Variants in GALNT13 observed in about 807,000 individuals in gnomAD.
GALNT13 encodes polypeptide N-acetylgalactosaminyltransferase 13.
A neutral mutation model predicts 64.2 loss-of-function variants in GALNT13; 28 were observed. The ratio of observed to expected loss-of-function variants is 0.44; its 90% CI spans 0.32 to 0.60. The LOEUF (loss-of-function observed/expected upper bound fraction) is 0.60. Among genes scored for constraint, GALNT13 ranks in the 20% least tolerant of loss-of-function variants. GALNT13 has a pLI of 0.05. For missense variants in GALNT13, 577 were observed against 669.8 expected, an observed-to-expected ratio of 0.86 and a Z score of 1.53; for synonymous variants, 214 against 224.6, an observed-to-expected ratio of 0.95 and a Z score of 0.42.
chr2:154,306,934 C>T (rs967821104), intron 9 of GALNT13, among the ~76,000 whole-genome samples: 1 of 151,876 alleles, frequency 6.6e-6, no homozygotes, highest in African/African-American at 2.4e-5. Context: ...TTTGTTAGTC[C>T]TACAAAGGCA....
the GALNT13 span, among the ~76,000 whole-genome samples, chr2:153,414,288 T>C: frequency 6.6e-6 from 1 of 151,720 alleles, no homozygotes; most frequent in African/African-American, 2.4e-5. Flanking sequence ...GGCAGGAGAA[T>C]TGCTTGAAGC....
At chr2:154,061,020 G>A (rs1700151701) in intron 3 of GALNT13, among the ~76,000 whole-genome samples, 1 of 106,536 alleles carries the variant, frequency 9.4e-6, no homozygotes, top group Non-Finnish European at 2.0e-5. Flanking sequence ...ACCCCTAATT[G>A]TGCTAAGTAG....
chr2:153,576,143 C>G, the GALNT13 span, among the ~76,000 whole-genome samples: 1,283 of 151,168 alleles, frequency 8.5e-3, 16 homozygotes, highest in African/African-American at 0.03. Context: ...AAGATAATGC[C>G]CTCCCCACTC....
chr2:154,206,799 C>T (rs77080301), intron 4 of GALNT13, among the ~76,000 whole-genome samples: 1 of 131,964 alleles, frequency 7.6e-6, no homozygotes, highest in Admixed American at 7.5e-5. Flanking sequence ...ACAACAACAA[C>T]AAAAAAAAAA....
chr2:153,314,826 G>C, the GALNT13 span, among the ~76,000 whole-genome samples: 1 of 151,188 alleles, frequency 6.6e-6, no homozygotes, highest in African/African-American at 2.4e-5. Flanking sequence ...AAAAAATAAG[G>C]TCTTGTCAGT....
chr2:153,425,487 A>G, the GALNT13 span, among the ~76,000 whole-genome samples: 1 of 151,780 alleles, frequency 6.6e-6, no homozygotes, highest in African/African-American at 2.4e-5. Context: ...TTAGGAAGAA[A>G]TAAATTCAAT....
At chr2:153,421,366 T>C in the GALNT13 span, 7 of 225,266 alleles carry the variant, frequency 3.1e-5, no homozygotes, top group Non-Finnish European at 7.0e-5. Context: ...ACAGATGCCA[T>C]AGATGGCCTC....
intron 1 of GALNT13, among the ~76,000 whole-genome samples, chr2:153,885,801 T>G (rs902779834): frequency 1.3e-5 from 2 of 152,110 alleles, no homozygotes; most frequent in African/African-American, 4.8e-5. Context: ...TAACACTAAT[T>G]TTGTAGCTGA....
chr2:153,774,866 T>A, the GALNT13 span, among the ~76,000 whole-genome samples: 2 of 152,200 alleles, frequency 1.3e-5, no homozygotes, highest in Non-Finnish European at 2.9e-5. Flanking sequence ...GCTATCATTA[T>A]GCCACTGCGC....
At chr2:153,927,482 A>G (rs1257945178) in intron 2 of GALNT13, among the ~76,000 whole-genome samples, 3 of 151,924 alleles carry the variant, frequency 2.0e-5, no homozygotes, top group Admixed American at 6.6e-5. Flanking sequence ...GTTTTTTAAC[A>G]TCTGTGTTTT....
At chr2:153,720,277 A>C in the GALNT13 span, among the ~76,000 whole-genome samples, 71 of 142,448 alleles carry the variant, frequency 5.0e-4, 3 homozygotes, top group South Asian at 9.2e-3. Flanking sequence ...AAACTAACAA[A>C]CAGAAAGGAC....
At chr2:153,812,937 G>A in the GALNT13 span, among the ~76,000 whole-genome samples, 4 of 152,112 alleles carry the variant, frequency 2.6e-5, no homozygotes, top group African/African-American at 9.7e-5. Context: ...TCTACATACA[G>A]GTTTTGTGTT....
At position 154,377,462 on chromosome 2, in the gene GALNT13, C is replaced by A. The variant is rs1432886188; in HGVS notation, c.1157-18529C>A. 7.2e-5 allele frequency among the ~76,000 whole-genome samples: 11 copies of A among 152,068 alleles called. 1 individual carries two copies. Among genetic ancestry groups the A allele is most frequent in the Non-Finnish European group, 1.6e-4 (11 of 67,978 alleles). On this transcript the variant is annotated intron_variant, in intron 9 of 12. Coordinates refer to ENST00000392825, the MANE Select transcript of GALNT13 (RefSeq NM_052917.4). The stretch of plus-strand genomic sequence containing the variant: ...GGAGGGAGGGAGGAATTAGCCTTTT[C>A]TTTGCACTTGCTCCTCTAACTAAAT...
the GALNT13 span, among the ~76,000 whole-genome samples, chr2:153,086,957 A>G: frequency 1.3e-5 from 2 of 152,116 alleles, no homozygotes; most frequent in African/African-American, 2.4e-5. Context: ...CTGTTTACCT[A>G]TTTGGATGCC....
the GALNT13 span, among the ~76,000 whole-genome samples, chr2:153,606,875 T>C: frequency 6.6e-6 from 1 of 151,994 alleles, no homozygotes; most frequent in East Asian, 1.9e-4. Flanking sequence ...GTTTTTTTTT[T>C]TTTTTTTCGT....
chr2:154,321,558 G>T (rs545535903), intron 9 of GALNT13, among the ~76,000 whole-genome samples: 1 of 151,798 alleles, frequency 6.6e-6, no homozygotes, highest in Non-Finnish European at 1.5e-5. Context: ...GTAACCTTGG[G>T]CAAATTACCT....
chr2:154,298,566 ATATATAAATTGTATATATAATT>A (rs1235386722), intron 8 of GALNT13, among the ~76,000 whole-genome samples: 1 of 88,792 alleles, frequency 1.1e-5, no homozygotes, highest in African/African-American at 4.4e-5. Context: ...TATATAATTT[ATATATAAATTGTATATATAATT>A]TATATATACA....
the GALNT13 span, among the ~76,000 whole-genome samples, chr2:153,525,225 C>T: frequency 8.5e-5 from 13 of 152,196 alleles, no homozygotes; most frequent in Admixed American, 6.5e-5. Context: ...AGAGCCCTTG[C>T]GCCCTGAATA....
chr2:153,518,707 A>G, the GALNT13 span, among the ~76,000 whole-genome samples: 2 of 152,178 alleles, frequency 1.3e-5, no homozygotes, highest in Admixed American at 1.3e-4. Context: ...AACTAGAATA[A>G]CTATAAATAT....
Sources: gnomAD v4.1 joint callset for allele counts (sites outside exome capture counted in the v4.1 genomes callset) on GRCh38, gnomAD v4.1.1 for gene constraint, MANE v1.5 for transcripts, NCBI Gene and HGNC (gene_info 2026-07-23, HGNC 2026-07-21) for gene names.